ARL15: variants seen among roughly 807,000 people sequenced by gnomAD.
ARL15 encodes ADP-ribosylation factor-like protein 15.
A neutral mutation model predicts 25.2 loss-of-function variants in ARL15; 19 were observed. The ratio of observed to expected loss-of-function variants is 0.75; its 90% CI spans 0.53 to 1.10. The LOEUF (loss-of-function observed/expected upper bound fraction) is 1.10, where lower values mean the gene tolerates loss of function less well. Ranked by LOEUF, ARL15 falls within the 50% of genes least tolerant of loss-of-function variation. The pLI, the probability that ARL15 is intolerant of heterozygous loss-of-function variation, is 0.00. For synonymous variants in ARL15, 94 were observed against 86.8 expected (o/e 1.08, Z -0.46); for missense variants, 220 against 246.0 (o/e 0.89, Z 0.71).
intron 4 of ARL15, among the ~76,000 whole-genome samples, chr5:53,908,901 A>AACACAAAAGT (rs1745363703): frequency 6.6e-6 from 1 of 152,240 alleles, no homozygotes; most frequent in Admixed American, 6.5e-5. Flanking sequence ...ATTAATGAGC[A>AACACAAAAGT]TATACACAAA....
chr5:54,042,819 G>A (rs2111953093), intron 4 of ARL15, among the ~76,000 whole-genome samples: 1 of 152,250 alleles, frequency 6.6e-6, no homozygotes, highest in Non-Finnish European at 1.5e-5. Context: ...TGGGGGTGGG[G>A]TGTAACACGG....
In ARL15 at chr5:53,971,133, A is replaced by G. The variant is rs556835027; in HGVS notation, c.463-84420T>C. On this transcript the variant is annotated intron_variant, in intron 4 of 4. Coordinates refer to ENST00000504924, the MANE Select transcript of ARL15 (RefSeq NM_019087.3). ...TTAAAAGTAATAAATGATAAGAGTT[A>G]TAAGTCTTCAAGAAAAAAGTGAAGA... Among the ~76,000 whole-genome samples the G allele has an allele frequency of 1.4e-3, 214 of 152,330 alleles. 1 individual carries two copies. Among genetic ancestry groups the G allele is most frequent in the African/African-American group, 5.0e-3 (208 of 41,580 alleles).
intron 3 of ARL15, among the ~76,000 whole-genome samples, chr5:54,153,355 T>G (rs1446981555): frequency 2.6e-5 from 4 of 152,216 alleles, no homozygotes; most frequent in African/African-American, 9.6e-5. Flanking sequence ...GACGTTAATT[T>G]ATCAATAGTT....
At chr5:54,106,834 G>C (rs1312771694) in intron 4 of ARL15, among the ~76,000 whole-genome samples, 3 of 152,020 alleles carry the variant, frequency 2.0e-5, no homozygotes, top group African/African-American at 2.4e-5. Context: ...GGAGTAGACA[G>C]AGAAGTTATA....
chr5:54,079,828 G>A (rs1751730850), intron 4 of ARL15, among the ~76,000 whole-genome samples: 1 of 152,028 alleles, frequency 6.6e-6, no homozygotes, highest in African/African-American at 2.4e-5. Context: ...AAAATAGCCA[G>A]GCCTGGTGGC....
chr5:54,034,251 T>C lies in ARL15; in HGVS notation c.462+78951A>G, dbSNP rs10078356. Among the ~76,000 whole-genome samples, 1,293 of 152,328 alleles carry C rather than the reference T, an allele frequency of 8.5e-3. 25 individuals carry two copies. Among genetic ancestry groups the C allele is most frequent in the African/African-American group, 0.03 (1,235 of 41,576 alleles). ...AAATTGAAAAATTAATCCATTTTGT[T>C]GTGGATTGATTTGATTCCCAGGATG... On this transcript the variant is annotated intron_variant, in intron 4 of 4. Transcript: ENST00000504924.
chr5:53,952,588 C>T (rs1376773951), intron 4 of ARL15, among the ~76,000 whole-genome samples: 1 of 151,992 alleles, frequency 6.6e-6, no homozygotes, highest in Non-Finnish European at 1.5e-5. Flanking sequence ...TTAATTGGCT[C>T]AAAGTTAGTA....
At chr5:54,174,260 C>T (rs1754801706) in intron 1 of ARL15, among the ~76,000 whole-genome samples, 1 of 152,138 alleles carries the variant, frequency 6.6e-6, no homozygotes, top group African/African-American at 2.4e-5. Context: ...TAACAGGATG[C>T]TTGATCTATG....
intron 4 of ARL15, among the ~76,000 whole-genome samples, chr5:54,038,140 C>G (rs764086823): frequency 6.6e-6 from 1 of 152,014 alleles, no homozygotes; most frequent in Non-Finnish European, 1.5e-5. Flanking sequence ...AGAGCATGTA[C>G]AAGTGAATGT....
At chr5:54,061,379 G>A (rs1751055815) in intron 4 of ARL15, among the ~76,000 whole-genome samples, 1 of 152,164 alleles carries the variant, frequency 6.6e-6, no homozygotes, top group African/African-American at 2.4e-5. Context: ...GGAAGCTGAG[G>A]TGGGTGGATC....
chr5:54,128,860 C>T (rs1753347388), intron 3 of ARL15, among the ~76,000 whole-genome samples: 1 of 151,950 alleles, frequency 6.6e-6, no homozygotes, highest in Non-Finnish European at 1.5e-5. Flanking sequence ...TGAGTGCCAC[C>T]ACGCCCGGCT....
intron 2 of ARL15, among the ~76,000 whole-genome samples, chr5:54,154,965 A>G (rs1358517665): frequency 6.6e-6 from 1 of 152,160 alleles, no homozygotes; most frequent in Non-Finnish European, 1.5e-5. Context: ...TACTAAAAAT[A>G]CAAAAATTAG....
intron 3 of ARL15, among the ~76,000 whole-genome samples, chr5:54,129,528 T>C (rs556330799): frequency 3.3e-5 from 5 of 152,172 alleles, no homozygotes; most frequent in African/African-American, 4.8e-5. Flanking sequence ...AGATAATAAC[T>C]ATGAAAGAAA....
At chr5:54,124,162 G>A (rs1753175028) in intron 3 of ARL15, among the ~76,000 whole-genome samples, 1 of 152,146 alleles carries the variant, frequency 6.6e-6, no homozygotes, top group South Asian at 2.1e-4. Flanking sequence ...CATTTATTGG[G>A]TATCCAGTAA....
At chr5:54,152,610 TC>T (rs1754100503) in intron 3 of ARL15, among the ~76,000 whole-genome samples, 1 of 152,156 alleles carries the variant, frequency 6.6e-6, no homozygotes, top group Non-Finnish European at 1.5e-5. Context: ...AATTTGCTCT[TC>T]AATACTAACA....
intron 3 of ARL15, among the ~76,000 whole-genome samples, chr5:54,139,472 A>G (rs1481503676): frequency 6.6e-6 from 1 of 152,212 alleles, no homozygotes; most frequent in Non-Finnish European, 1.5e-5. Context: ...ATGGGTACGC[A>G]AAGGCATACA....
At chr5:54,257,426 T>A (rs1055880130) in intron 1 of ARL15, among the ~76,000 whole-genome samples, 10 of 152,136 alleles carry the variant, frequency 6.6e-5, no homozygotes, top group Non-Finnish European at 1.5e-4. Flanking sequence ...AACACACCCC[T>A]AGGAAAGCCA....
intron 4 of ARL15, among the ~76,000 whole-genome samples, chr5:54,073,917 A>G (rs1052036937): frequency 6.6e-6 from 1 of 152,224 alleles, no homozygotes. Flanking sequence ...AAGCTTCTTA[A>G]CAGCTTCAGT....
intron 2 of ARL15, among the ~76,000 whole-genome samples, chr5:54,158,402 T>C (rs969687065): frequency 6.6e-6 from 1 of 152,186 alleles, no homozygotes; most frequent in Non-Finnish European, 1.5e-5. Flanking sequence ...GGTTGATTTG[T>C]TTTATATTTG....
Sources: gnomAD v4.1 joint callset for allele counts (sites outside exome capture counted in the v4.1 genomes callset) on GRCh38, gnomAD v4.1.1 for gene constraint, MANE v1.5 for transcripts, NCBI Gene and HGNC (gene_info 2026-07-23, HGNC 2026-07-21) for gene names.